Variants in DCDC1 observed in about 807,000 individuals in gnomAD.
DCDC1 encodes the protein doublecortin domain containing 1, also known as doublecortin domain-containing protein 1.
Under a neutral mutation model 178.3 loss-of-function variants are expected in DCDC1, and 200 were observed. The ratio of observed to expected loss-of-function variants is 1.12; its 90% CI spans 1.00 to 1.26. The LOEUF (loss-of-function observed/expected upper bound fraction) is 1.26, where lower values mean the gene tolerates loss of function less well. Ranked by LOEUF, DCDC1 falls within the 50% of genes most tolerant of loss-of-function variation. The pLI, the probability that DCDC1 is intolerant of heterozygous loss-of-function variation, is 0.00. For synonymous variants in DCDC1, 690 were observed against 604.8 expected (o/e 1.14, Z -2.07); for missense variants, 1,983 against 1,749.2 (o/e 1.13, Z -2.38).
chr11:31,114,950 G>C (rs1024628945), intron 11 of DCDC1, among the ~76,000 whole-genome samples: 1 of 152,108 alleles, frequency 6.6e-6, no homozygotes, highest in Non-Finnish European at 1.5e-5. Flanking sequence ...TTCTGTCAGA[G>C]TTATGCTATT....
intron 20 of DCDC1, among the ~76,000 whole-genome samples, chr11:31,046,712 C>G (rs1175400939): frequency 7.3e-5 from 11 of 151,318 alleles, no homozygotes; most frequent in Admixed American, 7.2e-4. Context: ...AAATTATGAC[C>G]TACCTCGTGA....
chr11:31,125,868 A>C (rs2135924201), intron 11 of DCDC1, among the ~76,000 whole-genome samples: 1 of 152,208 alleles, frequency 6.6e-6, no homozygotes, highest in African/African-American at 2.4e-5. Flanking sequence ...GCAGGAAATC[A>C]CTATGGCACA....
Position 31,106,845 on chromosome 11 carries a change from G to C in DCDC1, c.1703C>G (p.Ser568Trp). The C allele has an allele frequency of 1.3e-6, 1 of 766,210 alleles. No homozygotes were observed. Among genetic ancestry groups the C allele is most frequent in the Non-Finnish European group, 2.4e-6 (1 of 417,818 alleles). 47.5% of individuals were successfully genotyped at this position (766,210 alleles called of 1,614,324 possible). ...ENGQEIKNPLSLKNEQKIWVS... is the reference protein window; with the variant it reads ...ENGQEIKNPLWLKNEQKIWVS... Reference sequence around the variant, plus strand: ...CCAAATTTTTTGCTCATTCTTCAGCGAAAGTGGATTCTTAATTTCTTGGCC... The same window carrying C: ...CCAAATTTTTTGCTCATTCTTCAGCCAAAGTGGATTCTTAATTTCTTGGCC... Residue 568 changes from serine to tryptophan, a missense_variant, in exon 13 of 39, where the codon TCG (serine) becomes TGG (tryptophan). Physicochemically the swap from Ser to Trp is radical, Grantham distance 177. Coordinates refer to ENST00000684477, the MANE Select transcript of DCDC1 (RefSeq NM_001387274.1).
In DCDC1 at chr11:31,065,200, T is replaced by C. The variant is rs755658268; in HGVS notation, c.2299-47A>G. The C allele has an allele frequency of 9.2e-5, 59 of 641,808 alleles. 1 individual carries two copies. In the Middle Eastern group the frequency reaches 1.5e-3, roughly 16 times the overall value. 39.8% of individuals were successfully genotyped at this position (641,808 alleles called of 1,614,324 possible). A position where few individuals can be genotyped will look rare whatever the true frequency, so the allele number is the denominator to read the frequency against. ...CAAGTAGTATCACCCTTATAAACAA[T>C]AGCCAAAAATCCATCCAACTGGAAA... On this transcript the variant is annotated intron_variant, in intron 18 of 38. Coordinates refer to ENST00000684477, the MANE Select transcript of DCDC1 (RefSeq NM_001387274.1).
intron 21 of DCDC1, among the ~76,000 whole-genome samples, chr11:30,950,331 A>T (rs900448665): frequency 6.6e-6 from 1 of 152,190 alleles, no homozygotes; most frequent in African/African-American, 2.4e-5. Flanking sequence ...ATGTTCCAGT[A>T]ATCCCACTAC....
At chr11:31,273,154 T>C (rs1157557071) in intron 7 of DCDC1, among the ~76,000 whole-genome samples, 2 of 152,206 alleles carry the variant, frequency 1.3e-5, no homozygotes, top group African/African-American at 2.4e-5. Flanking sequence ...CTGGAGACAC[T>C]TTCCCCATTG....
At chr11:31,325,849 G>T (rs1949616204) in intron 3 of DCDC1, among the ~76,000 whole-genome samples, 1 of 152,060 alleles carries the variant, frequency 6.6e-6, no homozygotes, top group African/African-American at 2.4e-5. Flanking sequence ...CAAGATGGTA[G>T]AAGAAAGGTG....
chr11:30,921,055 G>T (rs1946219482), intron 24 of DCDC1, 120 bp from the exon 25 acceptor site: 1 of 981,888 alleles, frequency 1.0e-6, no homozygotes, highest in Non-Finnish European at 1.4e-6. Context: ...TCTATTCATA[G>T]GTTACTTATT....
At chr11:31,251,256 A>G (rs998921545) in intron 8 of DCDC1, among the ~76,000 whole-genome samples, 1 of 152,238 alleles carries the variant, frequency 6.6e-6, no homozygotes, top group Non-Finnish European at 1.5e-5. Context: ...TGAATGTAAC[A>G]GGGATACCCA....
At chr11:31,310,796 T>A (rs570157655) in intron 3 of DCDC1, among the ~76,000 whole-genome samples, 1 of 152,212 alleles carries the variant, frequency 6.6e-6, no homozygotes, top group African/African-American at 2.4e-5. Flanking sequence ...TTCCTTCAGC[T>A]TTCCAGAAAC....
intron 11 of DCDC1, among the ~76,000 whole-genome samples, chr11:31,119,858 T>C (rs1002184792): frequency 1.3e-5 from 2 of 152,128 alleles, no homozygotes; most frequent in African/African-American, 4.8e-5. Flanking sequence ...AATAATGGAA[T>C]TGTAGTAAAA....
At chr11:31,099,699 T>A (rs1958377994) in intron 15 of DCDC1, among the ~76,000 whole-genome samples, 1 of 150,218 alleles carries the variant, frequency 6.7e-6, no homozygotes, top group Admixed American at 6.7e-5. Context: ...ATGGGCAGGG[T>A]TTTTTTGTTT....
chr11:31,334,014 C>T (rs188671297), intron 2 of DCDC1, among the ~76,000 whole-genome samples: 6 of 152,318 alleles, frequency 3.9e-5, no homozygotes, highest in East Asian at 3.9e-4. Flanking sequence ...TTCAGGCACA[C>T]CAATCAAACG....
chr11:30,903,230 A>AT (rs1430571067), intron 32 of DCDC1, among the ~76,000 whole-genome samples: 1 of 152,126 alleles, frequency 6.6e-6, no homozygotes, highest in African/African-American at 2.4e-5. Flanking sequence ...TGTCAAACAT[A>AT]TTTTTATTAA....
chr11:30,968,344 A>G (rs1949563813), intron 20 of DCDC1, among the ~76,000 whole-genome samples: 1 of 152,118 alleles, frequency 6.6e-6, no homozygotes, highest in Admixed American at 6.6e-5. Flanking sequence ...CAATGAATGA[A>G]TAAGTTAACC....
intron 9 of DCDC1, among the ~76,000 whole-genome samples, chr11:31,225,945 T>C (rs186259170): frequency 6.6e-6 from 1 of 152,084 alleles, no homozygotes. Context: ...GGTATGGTTA[T>C]TGAACAGTGA....
chr11:31,201,731 A>T (rs199546931), intron 9 of DCDC1, among the ~76,000 whole-genome samples: 1 of 152,216 alleles, frequency 6.6e-6, no homozygotes, highest in East Asian at 1.9e-4. Context: ...ACATTAAGAA[A>T]AATAAGATTG....
intron 32 of DCDC1, 39 bp downstream of exon 32, chr11:30,903,443 A>G (rs760242450): frequency 1.6e-5 from 24 of 1,502,040 alleles, no homozygotes; most frequent in Non-Finnish European, 2.1e-5. Context: ...ATGATCAAGC[A>G]TAAGTAGAAT....
chr11:30,984,682 G>A (rs1274741253), intron 20 of DCDC1, among the ~76,000 whole-genome samples: 1 of 152,212 alleles, frequency 6.6e-6, no homozygotes, highest in Admixed American at 6.5e-5. Flanking sequence ...ACTTTAAGAA[G>A]CAGCTGTTTA....
Sources: gnomAD v4.1 joint callset for allele counts (sites outside exome capture counted in the v4.1 genomes callset) on GRCh38, gnomAD v4.1.1 for gene constraint, MANE v1.5 for transcripts, NCBI Gene and HGNC (gene_info 2026-07-23, HGNC 2026-07-21) for gene names.